Variants in MYO5B observed in about 807,000 individuals in gnomAD.
MYO5B encodes unconventional myosin-Vb.
A neutral mutation model predicts 229.3 loss-of-function variants in MYO5B; 143 were observed. The observed-to-expected ratio is 0.62, with a 90% CI of 0.54 to 0.72. The LOEUF is 0.72. MYO5B is among the 30% of genes least tolerant of loss of function. The pLI is 0.00. For missense variants in MYO5B, 2,321 were observed against 2,331.0 expected, an observed-to-expected ratio of 1.00 and a Z score of 0.09; for synonymous variants, 918 against 885.2, an observed-to-expected ratio of 1.04 and a Z score of -0.66.
At position 49,954,636 on chromosome 18, in the gene MYO5B, G is replaced by A. The variant is rs2025471591; in HGVS notation, c.1546-201C>T. On this transcript the variant is annotated intron_variant, in intron 12 of 39. Transcript: ENST00000285039. ...CCACGGCGTGCCCTCATCCCATGTG[G>A]GCTGGCTCCCTTGGGACCTGTGGGA... Among the ~76,000 whole-genome samples, 4 of 152,170 alleles carry A rather than the reference G, an allele frequency of 2.6e-5. No homozygotes were observed. In the South Asian group the frequency reaches 8.3e-4, roughly 32 times the overall value.
rs991014909 is a variant in MYO5B at position 50,161,588 on chromosome 18, G to C, written c.27+33179C>G. ...CATTCTCTCTTCCCCTGAAATATCA[G>C]AAGACAACATGCAGCCCGACCCTGC... On this transcript the variant is annotated intron_variant, in intron 1 of 39. Coordinates refer to ENST00000285039, the MANE Select transcript of MYO5B (RefSeq NM_001080467.3). Among the ~76,000 whole-genome samples the C allele has an allele frequency of 5.9e-5, 9 of 152,290 alleles. No individual in the cohort carries two copies. The South Asian group carries it at 6.2e-4, about 11-fold the overall frequency.
chr18:50,177,405 G>T (rs75984432), intron 1 of MYO5B, among the ~76,000 whole-genome samples: 2,629 of 152,240 alleles, frequency 0.017, 48 homozygotes, highest in Non-Finnish European at 0.025. Context: ...TTATGTTTTG[G>T]TTTTTATATA....
At chr18:49,944,845 C>T (rs2025353646) in intron 14 of MYO5B, among the ~76,000 whole-genome samples, 1 of 152,134 alleles carries the variant, frequency 6.6e-6, no homozygotes, top group Admixed American at 6.5e-5. Flanking sequence ...CACAGACAGA[C>T]ACCGCCTTCC....
intron 1 of MYO5B, among the ~76,000 whole-genome samples, chr18:50,184,564 C>A (rs879860767): frequency 6.6e-6 from 1 of 152,142 alleles, no homozygotes; most frequent in Admixed American, 6.5e-5. Context: ...AATGAGCTAA[C>A]ATGTAGTGCT....
intron 1 of MYO5B, among the ~76,000 whole-genome samples, chr18:50,147,603 A>G (rs1040229909): frequency 2.0e-5 from 3 of 152,226 alleles, no homozygotes; most frequent in African/African-American, 7.2e-5. Context: ...TCTAGTGATG[A>G]AATCAAATTT....
At chr18:49,832,890 T>C (rs1272454472) in intron 39 of MYO5B, among the ~76,000 whole-genome samples, 1 of 152,092 alleles carries the variant, frequency 6.6e-6, no homozygotes, top group Non-Finnish European at 1.5e-5. Flanking sequence ...GCAGAATGAT[T>C]CTCTGGGATT....
chr18:50,011,542 C>T (rs2026160853), intron 4 of MYO5B, among the ~76,000 whole-genome samples: 2 of 152,090 alleles, frequency 1.3e-5, no homozygotes, highest in African/African-American at 4.8e-5. Context: ...CTTTAGCTCC[C>T]CACCAATCTG....
intron 1 of MYO5B, among the ~76,000 whole-genome samples, chr18:50,060,210 G>T (rs747791764): frequency 6.6e-6 from 1 of 152,144 alleles, no homozygotes; most frequent in Non-Finnish European, 1.5e-5. Context: ...CACTGTTCTG[G>T]TTGTAGAGAT....
intron 10 of MYO5B, among the ~76,000 whole-genome samples, chr18:49,966,539 A>C (rs369469946): frequency 6.6e-6 from 1 of 152,302 alleles, no homozygotes; most frequent in South Asian, 2.1e-4. Context: ...GCCAAGCCCC[A>C]GAGGAAATTG....
intron 1 of MYO5B, among the ~76,000 whole-genome samples, chr18:50,107,697 A>T (rs1432475494): frequency 6.6e-6 from 1 of 152,200 alleles, no homozygotes; most frequent in African/African-American, 2.4e-5. Context: ...AGCAACAGAA[A>T]GAGGCAAAAT....
Position 50,099,747 on chromosome 18 carries a change from T to G in MYO5B, c.28-44369A>C, listed in dbSNP as rs565638246. Among the ~76,000 whole-genome samples the G allele has an allele frequency of 3.9e-5, 6 of 152,350 alleles. No individual in the cohort carries two copies. In the South Asian group the frequency reaches 1.2e-3, roughly 32 times the overall value. On this transcript the variant is annotated intron_variant, in intron 1 of 39. Transcript: ENST00000285039. Reference sequence around the variant, plus strand: ...ACCATCTTTACATGAATTTGCAGAATAGTTAGCTGAGAAATACACGGTATC... The same window carrying G: ...ACCATCTTTACATGAATTTGCAGAAGAGTTAGCTGAGAAATACACGGTATC...
At chr18:49,997,150 C>T (rs937340023) in intron 5 of MYO5B, among the ~76,000 whole-genome samples, 3 of 151,710 alleles carry the variant, frequency 2.0e-5, no homozygotes, top group Non-Finnish European at 4.4e-5. Flanking sequence ...GTCTAGTAGT[C>T]CCAGCTACTC....
At chr18:49,915,575 C>T (rs2025004870) in intron 17 of MYO5B, among the ~76,000 whole-genome samples, 2 of 152,236 alleles carry the variant, frequency 1.3e-5, no homozygotes, top group Admixed American at 6.5e-5. Context: ...GAAACTATTT[C>T]CTGTCCCTCT....
chr18:49,881,067 C>T (rs1398879689), intron 22 of MYO5B, among the ~76,000 whole-genome samples: 1 of 152,206 alleles, frequency 6.6e-6, no homozygotes, highest in East Asian at 1.9e-4. Flanking sequence ...GCTCAGGGCC[C>T]TTGTTTACTG....
intron 1 of MYO5B, among the ~76,000 whole-genome samples, chr18:50,187,940 A>G (rs2033171661): frequency 6.6e-6 from 1 of 152,206 alleles, no homozygotes; most frequent in African/African-American, 2.4e-5. Context: ...CCTGGCCCAG[A>G]AAAAGAACAT....
intron 1 of MYO5B, among the ~76,000 whole-genome samples, chr18:50,069,953 C>T (rs1202071691): frequency 1.3e-5 from 2 of 151,782 alleles, no homozygotes; most frequent in Non-Finnish European, 2.9e-5. Flanking sequence ...AGGATCCACT[C>T]TCAACTTCCA....
At chr18:49,984,282 G>A (rs776749228) in intron 8 of MYO5B, among the ~76,000 whole-genome samples, 14 of 152,240 alleles carry the variant, frequency 9.2e-5, no homozygotes, top group Non-Finnish European at 1.8e-4. Context: ...TGATGCAGCT[G>A]CCAGACCTTC....
chr18:49,858,969 T>G (rs2024295572), intron 29 of MYO5B, among the ~76,000 whole-genome samples: 1 of 152,244 alleles, frequency 6.6e-6, no homozygotes, highest in Non-Finnish European at 1.5e-5. Flanking sequence ...CTCAGGATTT[T>G]TTGTTGAAAA....
At chr18:49,953,186 G>T in intron 14 of MYO5B, 74 bp downstream of exon 14, 1 of 1,373,628 alleles carries the variant, frequency 7.3e-7, no homozygotes, top group Non-Finnish European at 1.0e-6. Flanking sequence ...CCCCAAGGAG[G>T]TTGCATCACC....
Sources: gnomAD v4.1 joint callset for allele counts (sites outside exome capture counted in the v4.1 genomes callset) on GRCh38, gnomAD v4.1.1 for gene constraint, MANE v1.5 for transcripts, NCBI Gene and HGNC (gene_info 2026-07-23, HGNC 2026-07-21) for gene names.